Variants in SORCS1 observed in about 807,000 individuals in gnomAD.
SORCS1 encodes the protein VPS10 domain-containing receptor SorCS1.
SORCS1 carries 60 observed loss-of-function variants against 146.1 expected under a neutral mutation model. The observed-to-expected ratio is 0.41, with a 90% CI of 0.33 to 0.51. The LOEUF (loss-of-function observed/expected upper bound fraction) is 0.51. Ranked by LOEUF, SORCS1 falls within the 20% of genes least tolerant of loss-of-function variation. The pLI is 0.21. For missense variants in SORCS1, 1,352 were observed against 1,487.6 expected, an observed-to-expected ratio of 0.91 and a Z score of 1.50; for synonymous variants, 637 against 584.0, an observed-to-expected ratio of 1.09 and a Z score of -1.31.
chr10:106,762,932 G>A (rs1313703140), intron 4 of SORCS1, among the ~76,000 whole-genome samples: 1 of 152,014 alleles, frequency 6.6e-6, no homozygotes, highest in Non-Finnish European at 1.5e-5. Flanking sequence ...ACAGAGGACT[G>A]TACAACAACA....
At chr10:106,644,008 C>T (rs1323109255) in intron 18 of SORCS1, among the ~76,000 whole-genome samples, 1 of 152,210 alleles carries the variant, frequency 6.6e-6, no homozygotes, top group Non-Finnish European at 1.5e-5. Flanking sequence ...TCTCATGTCT[C>T]TGGGAAGAGA....
chr10:107,085,738 C>A (rs1036112367), intron 1 of SORCS1, among the ~76,000 whole-genome samples: 1 of 152,138 alleles, frequency 6.6e-6, no homozygotes, highest in South Asian at 2.1e-4. Context: ...CTTTAAAGAT[C>A]CTACTTGGCT....
intron 1 of SORCS1, among the ~76,000 whole-genome samples, chr10:107,045,331 G>A (rs1436084798): frequency 1.3e-5 from 2 of 152,222 alleles, no homozygotes; most frequent in Admixed American, 1.3e-4. Flanking sequence ...GTAGTCTGAG[G>A]TCCATACTTT....
At chr10:107,112,258 G>A (rs1012345179) in intron 1 of SORCS1, among the ~76,000 whole-genome samples, 1 of 151,998 alleles carries the variant, frequency 6.6e-6, no homozygotes, top group Non-Finnish European at 1.5e-5. Context: ...GGGAAATGGG[G>A]CAGTACAAAC....
intron 5 of SORCS1, among the ~76,000 whole-genome samples, chr10:106,753,239 C>G (rs10786971): frequency 0.052 from 7,876 of 152,150 alleles, 414 homozygotes; most frequent in East Asian, 0.25. Context: ...GAGGCTCAGT[C>G]TCTTGTTACT....
In SORCS1 at chr10:106,953,570, G is replaced by A. The variant is rs117461315; in HGVS notation, c.626+2943C>T. Among the ~76,000 whole-genome samples, 904 of 151,928 alleles carry A rather than the reference G, an allele frequency of 6.0e-3. 4 individuals carry two copies. The highest frequency in any genetic ancestry group is 9.3e-3 in the Non-Finnish European group (633 of 67,970). The stretch of plus-strand genomic sequence containing the variant: ...ATCACTTAATGAGGTGGATGAATTC[G>A]GAGAAACATGACCTTAGGTGAGTTT... On this transcript the variant is annotated intron_variant, in intron 2 of 25. Coordinates refer to ENST00000263054, the MANE Select transcript of SORCS1 (RefSeq NM_052918.5).
chr10:106,806,385 AAAATAAAATAAAAT>A, intron 3 of SORCS1, among the ~76,000 whole-genome samples: 1 of 29,128 alleles, frequency 3.4e-5, no homozygotes, highest in African/African-American at 2.0e-4. Context: ...AAATAAAATA[AAAATAAAATAAAAT>A]AAAATAAAAT....
At chr10:107,087,929 T>C (rs967179932) in intron 1 of SORCS1, among the ~76,000 whole-genome samples, 15 of 152,328 alleles carry the variant, frequency 9.8e-5, no homozygotes, top group Admixed American at 7.2e-4. Flanking sequence ...TATTTATTTA[T>C]TTATTTTGAG....
In SORCS1 at chr10:106,711,293, T is replaced by C. The variant is rs542473464; in HGVS notation, c.1025-1952A>G. ...AGTAGGTGGGTTTGATTTTAAGATA[T>C]CAGAGACTTATGCAGAATTCTATTT... On this transcript the variant is annotated intron_variant, in intron 6 of 25. Coordinates refer to ENST00000263054, the MANE Select transcript of SORCS1 (RefSeq NM_052918.5). Among the ~76,000 whole-genome samples, 11 of 152,330 alleles carry C rather than the reference T, an allele frequency of 7.2e-5. No individual in the cohort carries two copies. In the East Asian group the frequency reaches 1.9e-3, roughly 27 times the overall value.
At chr10:106,714,135 CAAAAAAAAAAAAAAA>C (rs56275056) in intron 6 of SORCS1, among the ~76,000 whole-genome samples, 1 of 53,086 alleles carries the variant, frequency 1.9e-5, no homozygotes, top group African/African-American at 8.7e-5. Context: ...AACTCTGCCT[CAAAAAAAAAAAAAAA>C]AAAAAAAAAA....
chr10:106,799,389 T>C (rs1946753371), intron 3 of SORCS1, among the ~76,000 whole-genome samples: 1 of 152,124 alleles, frequency 6.6e-6, no homozygotes, highest in South Asian at 2.1e-4. Flanking sequence ...TGGGATCTAA[T>C]TAAACTAACG....
At chr10:107,072,312 T>C (rs1361149653) in intron 1 of SORCS1, among the ~76,000 whole-genome samples, 1 of 152,182 alleles carries the variant, frequency 6.6e-6, no homozygotes, top group African/African-American at 2.4e-5. Context: ...GGTTTGGAGC[T>C]AATAATAACT....
At chr10:106,919,742 T>A (rs976879971) in intron 2 of SORCS1, among the ~76,000 whole-genome samples, 1 of 152,190 alleles carries the variant, frequency 6.6e-6, no homozygotes, top group Non-Finnish European at 1.5e-5. Flanking sequence ...AAAGTCACAC[T>A]TTTTTCTATA....
intron 2 of SORCS1, among the ~76,000 whole-genome samples, chr10:106,889,908 AAAAG>A (rs1285412864): frequency 6.6e-6 from 1 of 151,356 alleles, no homozygotes; most frequent in Non-Finnish European, 1.5e-5. Flanking sequence ...AAAAAAAAAA[AAAAG>A]CACTTCCCTA....
At chr10:106,883,221 T>C (rs1413910182) in intron 2 of SORCS1, among the ~76,000 whole-genome samples, 2 of 152,138 alleles carry the variant, frequency 1.3e-5, no homozygotes, top group Admixed American at 6.5e-5. Flanking sequence ...ATAAGCATGT[T>C]ATAGGCCTTC....
chr10:107,163,842 G>A, intron 1 of SORCS1, 127 bp downstream of exon 1: 1 of 1,077,978 alleles, frequency 9.3e-7, no homozygotes, highest in Non-Finnish European at 1.3e-6. Flanking sequence ...GAAGTGGGCA[G>A]AGACCAGTTT....
intron 5 of SORCS1, among the ~76,000 whole-genome samples, chr10:106,734,722 A>G (rs1039369849): frequency 6.6e-6 from 1 of 152,156 alleles, no homozygotes; most frequent in Non-Finnish European, 1.5e-5. Context: ...TATTTTTCCT[A>G]TAATATACAT....
intron 1 of SORCS1, among the ~76,000 whole-genome samples, chr10:107,018,790 T>C (rs1958007093): frequency 6.6e-6 from 1 of 152,214 alleles, no homozygotes; most frequent in Non-Finnish European, 1.5e-5. Flanking sequence ...GAAATGTTTC[T>C]TTTATAATAA....
chr10:106,918,608 G>C (rs1336924765), intron 2 of SORCS1, among the ~76,000 whole-genome samples: 1 of 152,084 alleles, frequency 6.6e-6, no homozygotes, highest in East Asian at 1.9e-4. Context: ...GGAGGAGAGG[G>C]AGAAAGGGGG....
Sources: allele counts gnomAD v4.1 joint callset (sites outside exome capture counted in the v4.1 genomes callset), GRCh38; gene constraint gnomAD v4.1.1; transcripts MANE v1.5; gene names NCBI Gene and HGNC (gene_info 2026-07-23, HGNC 2026-07-21).